KCNJ12: variants seen among roughly 807,000 people sequenced by gnomAD.
KCNJ12 encodes ATP-sensitive inward rectifier potassium channel 12.
In KCNJ12, 2 loss-of-function variants were observed where a neutral mutation model predicts 22.3. The ratio of observed to expected loss-of-function variants is 0.09; its 90% CI spans 0.04 to 0.28. KCNJ12 has a LOEUF of 0.28. Ranked by LOEUF, KCNJ12 falls within the 10% of genes least tolerant of loss-of-function variation. The pLI, the probability that KCNJ12 is intolerant of heterozygous loss-of-function variation, is 1.00. For missense variants in KCNJ12, 155 were observed against 633.3 expected (o/e 0.24, Z 8.11); for synonymous variants, 117 against 261.4 (o/e 0.45, Z 5.33).
At chr17:21,406,221 C>T (rs1306471554) in intron 1 of KCNJ12, among the ~76,000 whole-genome samples, 3 of 152,420 alleles carry the variant, frequency 2.0e-5, no homozygotes, top group South Asian at 2.1e-4. Context: ...GGAGAATTGT[C>T]CCTCCTCCAA....
intron 1 of KCNJ12, among the ~76,000 whole-genome samples, chr17:21,399,226 G>A (rs782037191): frequency 2.0e-4 from 31 of 152,240 alleles, no homozygotes; most frequent in Non-Finnish European, 4.3e-4. Context: ...CAGGATGCCT[G>A]GCCCCCAGAT....
At chr17:21,394,288 A>G (rs965258973) in intron 1 of KCNJ12, among the ~76,000 whole-genome samples, 4 of 152,190 alleles carry the variant, frequency 2.6e-5, no homozygotes, top group African/African-American at 9.7e-5. Flanking sequence ...ACAAATGCTT[A>G]CCATTGTGTT....
chr17:21,415,979 T>C lies in KCNJ12; in HGVS notation c.637T>C (p.Trp213Arg). 1 of 1,611,142 alleles carries C rather than the reference T, an allele frequency of 6.2e-7. No individual in the cohort carries two copies. Among genetic ancestry groups the C allele is most frequent in the Non-Finnish European group, 8.5e-7 (1 of 1,179,386 alleles). ...ALRDGKLCLM[W>R]RVGNLRKSHI... ...GCGTGACGGCAAGCTCTGCCTCATG[T>C]GGCGTGTGGGTAACCTGCGCAAGAG... The change falls in exon 3 of 3, where the codon TGG becomes CGG. Residue 213 changes from tryptophan (W) to arginine (R), a missense_variant. Coordinates refer to ENST00000583088, the MANE Select transcript of KCNJ12 (RefSeq NM_021012.5).
At chr17:21,378,080 G>A (rs1233640920) in intron 1 of KCNJ12, among the ~76,000 whole-genome samples, 1 of 152,220 alleles carries the variant, frequency 6.6e-6, no homozygotes, top group Admixed American at 6.5e-5. Context: ...ATCGGCAGCC[G>A]CCTTTGGAAG....
chr17:21,385,780 C>G (rs1555558555), intron 1 of KCNJ12, among the ~76,000 whole-genome samples: 1 of 152,268 alleles, frequency 6.6e-6, no homozygotes. Flanking sequence ...TGACCAGGCT[C>G]TTGGTGGCCT....
chr17:21,400,039 G>A (rs75124046), intron 1 of KCNJ12, among the ~76,000 whole-genome samples: 7 of 152,234 alleles, frequency 4.6e-5, no homozygotes, highest in East Asian at 1.9e-4. Context: ...GCTCGCTACC[G>A]TCTAGCTGTG....
chr17:21,407,415 C>T (rs1397769827), intron 1 of KCNJ12, among the ~76,000 whole-genome samples: 435 of 150,836 alleles, frequency 2.9e-3, no homozygotes, highest in African/African-American at 0.01. Flanking sequence ...ATCTGTTCAT[C>T]CACCCACTCA....
chr17:21,411,562 G>A (rs1412723769), intron 2 of KCNJ12, among the ~76,000 whole-genome samples: 215 of 152,070 alleles, frequency 1.4e-3, no homozygotes, highest in African/African-American at 4.9e-3. Flanking sequence ...TGCGGAAAAC[G>A]GTCCTACCTT....
In KCNJ12 at chr17:21,417,967, G is replaced by A. The variant is rs1906942159; in HGVS notation, c.*1323G>A. 6.0e-6 allele frequency: 1 copy of A among 167,124 alleles called. No individual in the cohort carries two copies. Among genetic ancestry groups the A allele is most frequent in the Admixed American group, 6.5e-5 (1 of 15,286 alleles). The allele number at this position is 167,124 out of a possible 1,614,324, so 10.4% of individuals were successfully genotyped here. A position where few individuals can be genotyped will look rare whatever the true frequency, so the allele number is the denominator to read the frequency against. On this transcript the variant is annotated 3_prime_UTR_variant, in exon 3 of 3. Transcript: ENST00000583088. ...CCCCCTCCTGCCAACTGGGATGACT[G>A]GGGAGGGCCACGCTCATTCAAAGCT... is the stretch of plus-strand genomic sequence containing the variant.
chr17:21,382,131 G>C lies in KCNJ12; in HGVS notation c.-179+5218G>C, dbSNP rs1555558012. On this transcript the variant is annotated intron_variant, in intron 1 of 2. Coordinates refer to ENST00000583088, the MANE Select transcript of KCNJ12 (RefSeq NM_021012.5). ...GGGAGGGAGTTGGGGCTTCCTTCAGGCCCCTACTCTGGGTGGAGTGCTTTA... is the reference window on the plus strand; with the variant it reads ...GGGAGGGAGTTGGGGCTTCCTTCAGCCCCCTACTCTGGGTGGAGTGCTTTA... 2.0e-5 allele frequency among the ~76,000 whole-genome samples: 3 copies of C among 152,308 alleles called. No individual in the cohort carries two copies. The South Asian group carries it at 6.2e-4, about 32-fold the overall frequency.
rs1907025059 is a variant in KCNJ12 at position 21,419,438 on chromosome 17, A to T, written c.*2794A>T. 2 of 167,064 alleles carry T rather than the reference A, an allele frequency of 1.2e-5. No individual in the cohort carries two copies. Among genetic ancestry groups the T allele is most frequent in the African/African-American group, 2.4e-5 (1 of 41,416 alleles). 10.3% of individuals were successfully genotyped at this position (167,064 alleles called of 1,614,324 possible). On this transcript the variant is annotated 3_prime_UTR_variant, in exon 3 of 3. Coordinates refer to ENST00000583088, the MANE Select transcript of KCNJ12 (RefSeq NM_021012.5). ...GGGCACTGGCACAGGTGAACCCCAC[A>T]GTCCCCGACCCTCTGCCCTGATTAT...
intron 1 of KCNJ12, among the ~76,000 whole-genome samples, chr17:21,394,558 CAT>C: frequency 6.6e-6 from 1 of 152,338 alleles, no homozygotes; most frequent in Non-Finnish European, 1.5e-5. Context: ...CCTAAGCTCT[CAT>C]TATAGATTAC....
chr17:21,378,193 C>T (rs879998002), intron 1 of KCNJ12, among the ~76,000 whole-genome samples: 1 of 152,358 alleles, frequency 6.6e-6, no homozygotes, highest in Non-Finnish European at 1.5e-5. Context: ...CAGCCTCCCT[C>T]GCGCTGCGCT....
chr17:21,382,403 A>G (rs1555558073), intron 1 of KCNJ12, among the ~76,000 whole-genome samples: 3 of 152,188 alleles, frequency 2.0e-5, no homozygotes, highest in South Asian at 2.1e-4. Context: ...CAGGGAGGGG[A>G]CAGTGTCTCT....
At position 21,376,599 on chromosome 17, in the gene KCNJ12, A is replaced by G. The variant is rs1451127158; in HGVS notation, c.-493A>G. The G allele has an allele frequency of 2.0e-5, 3 of 151,188 alleles. No homozygotes were observed. Among genetic ancestry groups the G allele is most frequent in the African/African-American group, 7.3e-5 (3 of 41,164 alleles). 9.4% of individuals were successfully genotyped at this position (151,188 alleles called of 1,614,324 possible). Reference sequence around the variant, plus strand: ...CGCCGGGCCCTGCCCGAGATCAGATAACAGCCGGCGGGGGAGGGGGTGGGC... The same window carrying G: ...CGCCGGGCCCTGCCCGAGATCAGATGACAGCCGGCGGGGGAGGGGGTGGGC... On this transcript the variant is annotated 5_prime_UTR_variant, in exon 1 of 3. The change creates a new upstream start codon in the 5' untranslated region. Coordinates refer to ENST00000583088, the MANE Select transcript of KCNJ12 (RefSeq NM_021012.5). This position sits in a 1 kb window ranked among gnomAD's most constrained non-coding sequence, Gnocchi z 5.3.
In KCNJ12 at chr17:21,415,507, T is replaced by G; in HGVS notation, c.165T>G (p.Ile55Met). The change falls in exon 3 of 3, where the codon ATT becomes ATG. Residue 55 changes from isoleucine to methionine, a missense_variant. Physicochemically the swap from Ile to Met is conservative, Grantham distance 10. Transcript: ENST00000583088. ...RFVKKNGQCN[I>M]EFANMDEKSQ... ...TCAAGAAGAATGGCCAGTGCAACAT[T>G]GAGTTCGCCAACATGGACGAGAAGT... The G allele has an allele frequency of 1.2e-6, 2 of 1,614,274 alleles. No homozygotes were observed. Among genetic ancestry groups the G allele is most frequent in the Non-Finnish European group, 1.7e-6 (2 of 1,180,060 alleles).
intron 1 of KCNJ12, among the ~76,000 whole-genome samples, chr17:21,379,574 G>C (rs1904793916): frequency 6.6e-6 from 1 of 152,230 alleles, no homozygotes; most frequent in Non-Finnish European, 1.5e-5. Flanking sequence ...AGGAGAGTCA[G>C]GGAGGGGGCA....
At chr17:21,414,677 C>A (rs1189719511) in intron 2 of KCNJ12, among the ~76,000 whole-genome samples, 4 of 152,298 alleles carry the variant, frequency 2.6e-5, no homozygotes, top group Non-Finnish European at 5.9e-5. Context: ...GCCTCTGGTG[C>A]CAAGGTGGCG....
rs781872566 is a variant in KCNJ12, at chr17:21,416,695, G to T, written c.*51G>T. On this transcript the variant is annotated 3_prime_UTR_variant, in exon 3 of 3. Transcript: ENST00000583088. ...CCACCCCCGGCTGGGGAGAGGCCCCGCGGTCGCTCAGGGGCCCCGGGTTTG... is the reference window on the plus strand; with the variant it reads ...CCACCCCCGGCTGGGGAGAGGCCCCTCGGTCGCTCAGGGGCCCCGGGTTTG... 6.6e-6 allele frequency: 10 copies of T among 1,517,650 alleles called. No individual in the cohort carries two copies. In the South Asian group the frequency reaches 1.2e-4, roughly 18 times the overall value. 94.0% of individuals were successfully genotyped at this position (1,517,650 alleles called of 1,614,324 possible).
Sources: allele counts gnomAD v4.1 joint callset (sites outside exome capture counted in the v4.1 genomes callset), GRCh38; gene constraint gnomAD v4.1.1; non-coding constraint Gnocchi (gnomAD v3.1); transcripts MANE v1.5; gene names NCBI Gene and HGNC (gene_info 2026-07-23, HGNC 2026-07-21).